Variants in BNC2 observed in about 807,000 individuals in gnomAD.
The protein encoded by BNC2 is basonuclin zinc finger protein 2.
Under a neutral mutation model 76.3 loss-of-function variants are expected in BNC2, and 20 were observed. That is an observed-to-expected ratio of 0.26 (90% CI 0.18 to 0.38). The LOEUF (loss-of-function observed/expected upper bound fraction) is 0.38. BNC2 is among the 10% of genes least tolerant of loss of function. The probability of loss-of-function intolerance (pLI) is 1.00; values close to 1 mark genes in which losing one functional copy is unlikely to be tolerated. For synonymous variants in BNC2, 582 were observed against 514.8 expected, an observed-to-expected ratio of 1.13 and a Z score of -1.77; for missense variants, 1,382 against 1,399.8, an observed-to-expected ratio of 0.99 and a Z score of 0.20.
chr9:16,706,652 A>G (rs1289118106), intron 3 of BNC2, among the ~76,000 whole-genome samples: 1 of 152,204 alleles, frequency 6.6e-6, no homozygotes, highest in East Asian at 1.9e-4. Context: ...GCCCTAGTTA[A>G]AAGACTTTTT....
chr9:16,842,002 T>C (rs916686554), intron 1 of BNC2, among the ~76,000 whole-genome samples: 14 of 152,104 alleles, frequency 9.2e-5, no homozygotes, highest in African/African-American at 3.4e-4. Context: ...AGAGACAGGG[T>C]TTCACCACTT....
chr9:16,749,275 T>A (rs1268667530), intron 1 of BNC2, among the ~76,000 whole-genome samples: 1 of 152,196 alleles, frequency 6.6e-6, no homozygotes, highest in African/African-American at 2.4e-5. Context: ...AAAGTAGAAG[T>A]CTACAAATCA....
intron 1 of BNC2, among the ~76,000 whole-genome samples, chr9:16,783,919 G>A (rs1175404874): frequency 2.0e-5 from 3 of 151,858 alleles, no homozygotes; most frequent in East Asian, 1.9e-4. Context: ...TTAAAATATC[G>A]ATACATATAT....
intron 3 of BNC2, among the ~76,000 whole-genome samples, chr9:16,621,604 A>G (rs1820869700): frequency 6.6e-6 from 1 of 152,192 alleles, no homozygotes; most frequent in Admixed American, 6.6e-5. Flanking sequence ...TAACCAAAAT[A>G]AGACTTTGAA....
intron 5 of BNC2, chr9:16,473,210 C>A (rs1821860643): frequency 6.6e-6 from 1 of 152,234 alleles, no homozygotes; most frequent in South Asian, 2.1e-4. Context: ...TAGCATTATA[C>A]AGTGGAATGC....
intron 5 of BNC2, among the ~76,000 whole-genome samples, chr9:16,459,098 C>T (rs548028085): frequency 6.6e-6 from 1 of 152,258 alleles, no homozygotes; most frequent in East Asian, 1.9e-4. Flanking sequence ...AAAAAAGAAA[C>T]AATTATAGAG....
Position 16,586,535 on chromosome 9 carries a change from A to C in BNC2, c.331-3450T>G, listed in dbSNP as rs565644532. Among the ~76,000 whole-genome samples, 11 of 152,188 alleles carry C rather than the reference A, an allele frequency of 7.2e-5. No individual in the cohort carries two copies. In the East Asian group the frequency reaches 2.1e-3, roughly 29 times the overall value. ...AGACTGTGATGCAGCTTGCTGCACT[A>C]ACTCTCCTTCATTCCTGGGCTGTAG... is the stretch of plus-strand genomic sequence containing the variant. On this transcript the variant is annotated intron_variant, in intron 3 of 6. Transcript: ENST00000380672.
chr9:16,842,224 A>G (rs1403476073), intron 1 of BNC2, among the ~76,000 whole-genome samples: 1 of 152,196 alleles, frequency 6.6e-6, no homozygotes, highest in Non-Finnish European at 1.5e-5. Flanking sequence ...CTGTTGACCT[A>G]CCAAACTAGT....
At position 16,540,755 on chromosome 9, in the gene BNC2, T is replaced by C. The variant is rs1818294979; in HGVS notation, c.669+11775A>G. The stretch of plus-strand genomic sequence containing the variant: ...GAAGGCTACAAAGGCGCTAATGACA[T>C]TTACCCCCCTAATAAGAGCTGTTCA... On this transcript the variant is annotated intron_variant, in intron 5 of 6. Coordinates refer to ENST00000380672, the MANE Select transcript of BNC2 (RefSeq NM_017637.6). Among the ~76,000 whole-genome samples, 3 of 152,158 alleles carry C rather than the reference T, an allele frequency of 2.0e-5. No individual in the cohort carries two copies. In the South Asian group the frequency reaches 6.2e-4, roughly 32 times the overall value.
intron 2 of BNC2, among the ~76,000 whole-genome samples, chr9:16,736,785 T>C (rs1455392113): frequency 6.6e-6 from 1 of 151,524 alleles, no homozygotes; most frequent in African/African-American, 2.4e-5. Context: ...ATTGTTTTTT[T>C]TTTCTTTCTG....
intron 1 of BNC2, among the ~76,000 whole-genome samples, chr9:16,842,954 G>C (rs1818872339): frequency 6.6e-6 from 1 of 152,130 alleles, no homozygotes; most frequent in Non-Finnish European, 1.5e-5. Context: ...GTTTCGCCAT[G>C]TTGGCCAGGC....
rs1820428293 is a variant in BNC2 at position 16,410,012 on chromosome 9, C to T, written c.*8977G>A. ...CCTTTTCTTCAAGATATTTCAACTC[C>T]CTCTGGCCACTTTTGCTGTCAAATA... On this transcript the variant is annotated 3_prime_UTR_variant, in exon 7 of 7. Coordinates refer to ENST00000380672, the MANE Select transcript of BNC2 (RefSeq NM_017637.6). The T allele has an allele frequency of 6.6e-6, 1 of 152,128 alleles. No individual in the cohort carries two copies. Among genetic ancestry groups the T allele is most frequent in the African/African-American group, 2.4e-5 (1 of 41,412 alleles). The allele number at this position is 152,128 out of a possible 1,614,324, so 9.4% of individuals were successfully genotyped here. A position where few individuals can be genotyped will look rare whatever the true frequency, so the allele number is the denominator to read the frequency against.
At chr9:16,821,159 G>A (rs1818319896) in intron 1 of BNC2, among the ~76,000 whole-genome samples, 1 of 151,500 alleles carries the variant, frequency 6.6e-6, no homozygotes, top group African/African-American at 2.4e-5. Flanking sequence ...CTTCAACCCA[G>A]GAGGCGGAGG....
rs993102454 is a variant in BNC2, at chr9:16,419,483, A to C, written c.2806T>G (p.Ser936Ala). 4 of 1,613,996 alleles carry C rather than the reference A, an allele frequency of 2.5e-6. No individual in the cohort carries two copies. In the East Asian group the frequency reaches 6.7e-5, roughly 27 times the overall value. ...GAGTCTTCAGTCCCTGCGGGAGAGG[A>C]GGCGTCTTCCCTGACATCGAGCCCC... ...PMGLDVREDA[S>A]SPAGTEDSHL... Residue 936 changes from serine (S) to alanine (A), a missense_variant, in exon 7 of 7, where the codon TCC becomes GCC. Transcript: ENST00000380672.
At chr9:16,813,506 C>T (rs935163398) in intron 1 of BNC2, among the ~76,000 whole-genome samples, 1 of 151,988 alleles carries the variant, frequency 6.6e-6, no homozygotes, top group Non-Finnish European at 1.5e-5. Context: ...ACCTCATGAT[C>T]CGCCCACCTC....
chr9:16,535,605 C>G (rs1818107036), intron 5 of BNC2, among the ~76,000 whole-genome samples: 1 of 152,080 alleles, frequency 6.6e-6, no homozygotes, highest in Non-Finnish European at 1.5e-5. Flanking sequence ...AGCTTTCAAG[C>G]CAGACATCCT....
intron 1 of BNC2, among the ~76,000 whole-genome samples, chr9:16,778,861 G>C (rs11793537): frequency 0.46 from 70,380 of 152,126 alleles, 21,425 homozygotes; most frequent in Non-Finnish European, 0.69. Flanking sequence ...AAGGCAGCAA[G>C]GGTCTGATGT....
intron 5 of BNC2, among the ~76,000 whole-genome samples, chr9:16,513,205 TGTTA>T (rs2131955231): frequency 6.6e-6 from 1 of 152,170 alleles, no homozygotes; most frequent in South Asian, 2.1e-4. Flanking sequence ...AGGTATAGAA[TGTTA>T]TTTATTACTA....
chr9:16,570,816 C>T (rs535561437), intron 4 of BNC2, among the ~76,000 whole-genome samples: 3 of 152,122 alleles, frequency 2.0e-5, no homozygotes, highest in Admixed American at 6.5e-5. Flanking sequence ...ATTGGCAAAA[C>T]GAAAGTATTT....
Sources: gnomAD v4.1 joint callset for allele counts (sites outside exome capture counted in the v4.1 genomes callset) on GRCh38, gnomAD v4.1.1 for gene constraint, MANE v1.5 for transcripts, NCBI Gene and HGNC (gene_info 2026-07-23, HGNC 2026-07-21) for gene names.